NBEAL1: variants seen among roughly 807,000 people sequenced by gnomAD.
The protein encoded by NBEAL1 is neurobeachin-like protein 1.
Under a neutral mutation model 351.3 loss-of-function variants are expected in NBEAL1, and 273 were observed. That is an observed-to-expected ratio of 0.78 (90% CI 0.70 to 0.86). The LOEUF (loss-of-function observed/expected upper bound fraction) is 0.86. NBEAL1 is among the 40% of genes least tolerant of loss of function. NBEAL1 has a pLI of 0.00. For missense variants in NBEAL1, 2,961 were observed against 3,201.3 expected (o/e 0.92, Z 1.81); for synonymous variants, 1,050 against 1,086.4 (o/e 0.97, Z 0.66).
chr2:203,206,863 T>A (rs2065592695), intron 51 of NBEAL1, among the ~76,000 whole-genome samples: 1 of 144,148 alleles, frequency 6.9e-6, no homozygotes, highest in Admixed American at 7.1e-5. Flanking sequence ...GTGAGGAGGG[T>A]CTCTGCCTGG....
chr2:203,048,780 A>G (rs903621237), intron 3 of NBEAL1, among the ~76,000 whole-genome samples: 6 of 152,198 alleles, frequency 3.9e-5, no homozygotes, highest in Non-Finnish European at 8.8e-5. Flanking sequence ...ATTTGCCCTT[A>G]AAGAACCATA....
At chr2:203,210,919 T>C (rs753386863) in intron 53 of NBEAL1, 39 bp from the exon 54 acceptor site, 47 of 1,352,542 alleles carry the variant, frequency 3.5e-5, no homozygotes, top group Non-Finnish European at 2.1e-5. Context: ...AAACTCAGTT[T>C]TTATTTGAAA....
intron 14 of NBEAL1, among the ~76,000 whole-genome samples, chr2:203,109,380 G>A (rs913996921): frequency 6.6e-6 from 1 of 151,900 alleles, no homozygotes; most frequent in African/African-American, 2.4e-5. Context: ...AAACAAATGA[G>A]TAGTGATATG....
intron 12 of NBEAL1, among the ~76,000 whole-genome samples, chr2:203,104,466 T>C (rs1209799565): frequency 6.6e-6 from 1 of 152,238 alleles, no homozygotes; most frequent in Non-Finnish European, 1.5e-5. Context: ...GAAGACAGCA[T>C]ACCACTGGGT....
chr2:203,215,028 C>T (rs1488769617), intron 55 of NBEAL1, among the ~76,000 whole-genome samples: 1 of 152,068 alleles, frequency 6.6e-6, no homozygotes, highest in Non-Finnish European at 1.5e-5. Context: ...TTGTATGAGG[C>T]TTATCTTTTA....
rs532302741 is a variant in NBEAL1, at chr2:203,043,323, T to A, written c.143+1467T>A. ...CCATTTCCCAGGCCCACTTTTTAGATAAAGTTTTTTCTATATCTTAAGCTA... is the reference window on the plus strand; with the variant it reads ...CCATTTCCCAGGCCCACTTTTTAGAAAAAGTTTTTTCTATATCTTAAGCTA... On this transcript the variant is annotated intron_variant, in intron 3 of 55. Coordinates refer to ENST00000683969, the MANE Select transcript of NBEAL1 (RefSeq NM_001378026.1). 4.6e-4 allele frequency among the ~76,000 whole-genome samples: 70 copies of A among 152,290 alleles called. 2 individuals are homozygous for A. The highest frequency in any genetic ancestry group is 4.9e-4 in the Non-Finnish European group (33 of 68,014).
At chr2:203,166,491 T>C (rs372485996) in intron 37 of NBEAL1, among the ~76,000 whole-genome samples, 194 bp downstream of exon 37, 2 of 152,294 alleles carry the variant, frequency 1.3e-5, no homozygotes, top group Admixed American at 6.5e-5. Context: ...CAATGCATTT[T>C]TAAGGGTTTG....
chr2:203,105,339 G>A (rs1027258614), intron 12 of NBEAL1, among the ~76,000 whole-genome samples: 62 of 151,796 alleles, frequency 4.1e-4, no homozygotes, highest in African/African-American at 1.3e-3. Flanking sequence ...GGTGGCGGGC[G>A]CCTGTAGTCC....
intron 3 of NBEAL1, among the ~76,000 whole-genome samples, chr2:203,042,808 G>A (rs1344786071): frequency 6.6e-6 from 1 of 151,918 alleles, no homozygotes; most frequent in African/African-American, 2.4e-5. Context: ...GTATGATCTC[G>A]ATCTCTTGAC....
intron 31 of NBEAL1, among the ~76,000 whole-genome samples, chr2:203,141,853 C>A (rs1000490701): frequency 1.3e-5 from 2 of 152,140 alleles, no homozygotes; most frequent in African/African-American, 4.8e-5. Context: ...GAGCTGCCTG[C>A]AAACTTGTTT....
intron 2 of NBEAL1, among the ~76,000 whole-genome samples, chr2:203,022,170 C>T (rs2060783591): frequency 6.6e-6 from 1 of 152,108 alleles, no homozygotes; most frequent in Non-Finnish European, 1.5e-5. Flanking sequence ...TTTGGGAGTG[C>T]TGCAGTTAGT....
At chr2:203,187,105 C>G (rs9678194) in intron 44 of NBEAL1, among the ~76,000 whole-genome samples, 1,597 of 152,230 alleles carry the variant, frequency 0.01, 34 homozygotes, top group African/African-American at 0.036. Context: ...GAGAAATGTC[C>G]CCCGGCTGGA....
rs1473630305 is a variant in NBEAL1 at position 203,224,776 on chromosome 2, A to G, written c.*7422A>G. Among the ~76,000 whole-genome samples, 1 of 152,214 alleles carries G rather than the reference A, an allele frequency of 6.6e-6. No individual in the cohort carries two copies. Among genetic ancestry groups the G allele is most frequent in the Non-Finnish European group, 1.5e-5 (1 of 68,008 alleles). On this transcript the variant is annotated 3_prime_UTR_variant, in exon 56 of 56. Transcript: ENST00000683969. ...ATTTATATCTAATTATTGACTGTGC[A>G]AACTGTGACTCAGTGGATATTTGTA...
At chr2:203,192,931 A>G (rs1403659193) in intron 46 of NBEAL1, among the ~76,000 whole-genome samples, 1 of 130,728 alleles carries the variant, frequency 7.6e-6, no homozygotes, top group Non-Finnish European at 1.6e-5. Context: ...CTATAATTTG[A>G]TTCTGACAGT....
At chr2:203,029,284 C>T (rs1050831280) in intron 2 of NBEAL1, among the ~76,000 whole-genome samples, 1 of 152,128 alleles carries the variant, frequency 6.6e-6, no homozygotes, top group Non-Finnish European at 1.5e-5. Flanking sequence ...GCCCCCACAC[C>T]CAGCCTGCAT....
intron 17 of NBEAL1, among the ~76,000 whole-genome samples, chr2:203,113,664 G>C (rs543676039): frequency 6.6e-6 from 1 of 152,266 alleles, no homozygotes; most frequent in Non-Finnish European, 1.5e-5. Flanking sequence ...CTGGAAGCTA[G>C]AAGTTCAAGA....
At chr2:203,108,411 T>G (rs920415933) in intron 14 of NBEAL1, among the ~76,000 whole-genome samples, 2 of 152,020 alleles carry the variant, frequency 1.3e-5, no homozygotes, top group African/African-American at 4.8e-5. Context: ...TTTTTTTTGT[T>G]TTTTTGAGAC....
chr2:203,145,018 C>G lies in NBEAL1; in HGVS notation c.5162C>G (p.Pro1721Arg), dbSNP rs771170405. The G allele has an allele frequency of 6.3e-7, 1 of 1,582,072 alleles. No homozygotes were observed. Among genetic ancestry groups the G allele is most frequent in the Admixed American group, 1.9e-5 (1 of 52,756 alleles). The change falls in exon 33 of 56, where the codon CCT becomes CGT. Residue 1721 changes from proline (P) to arginine (R), a missense_variant. Physicochemically the swap from Pro to Arg is moderately radical, Grantham distance 103. Transcript: ENST00000683969. ...TTTTATTTTTTTGGTAAGATTGTAC[C>G]TTATATGAAGCAGTATGAAGCTCAT... is the stretch of plus-strand genomic sequence containing the variant. ...WQVYIEKYIV[P>R]YMKQYEAHTF...
chr2:203,028,967 G>A (rs1457141650), intron 2 of NBEAL1, among the ~76,000 whole-genome samples: 2 of 151,918 alleles, frequency 1.3e-5, no homozygotes, highest in Non-Finnish European at 2.9e-5. Context: ...TTGATAACTC[G>A]ACTGACTTCC....
Sources: gnomAD v4.1 joint callset for allele counts (sites outside exome capture counted in the v4.1 genomes callset) on GRCh38, gnomAD v4.1.1 for gene constraint, MANE v1.5 for transcripts, NCBI Gene and HGNC (gene_info 2026-07-23, HGNC 2026-07-21) for gene names.